The following NRG3 variants were observed in gnomAD, a reference collection of about 807,000 sequenced individuals.
The protein encoded by NRG3 is pro-neuregulin-3, membrane-bound isoform.
NRG3 carries 31 observed loss-of-function variants against 66.9 expected under a neutral mutation model. The ratio of observed to expected loss-of-function variants is 0.46; its 90% confidence interval spans 0.35 to 0.63. The LOEUF is 0.63. Among genes scored for constraint, NRG3 ranks in the 20% least tolerant of loss-of-function variants. NRG3 has a pLI of 0.00. For missense variants in NRG3, 910 were observed against 878.9 expected (o/e 1.04, Z -0.45); for synonymous variants, 393 against 359.4 (o/e 1.09, Z -1.06).
intron 6 of NRG3, among the ~76,000 whole-genome samples, chr10:82,972,808 GTTGA>G (rs1851891539): frequency 6.6e-6 from 1 of 151,836 alleles, no homozygotes; most frequent in African/African-American, 2.4e-5. Flanking sequence ...ATTCAAAAAG[GTTGA>G]TTAACTTGAT....
intron 1 of NRG3, among the ~76,000 whole-genome samples, chr10:82,250,519 C>T (rs73304667): frequency 0.015 from 2,281 of 152,068 alleles, 62 homozygotes; most frequent in African/African-American, 0.052. Context: ...ACCTGGGAGG[C>T]GGAGATTGCA....
chr10:82,489,675 G>C (rs562764943), intron 2 of NRG3, among the ~76,000 whole-genome samples: 1 of 152,122 alleles, frequency 6.6e-6, no homozygotes, highest in Non-Finnish European at 1.5e-5. Flanking sequence ...TTTGAGACAT[G>C]GTAGAGCAAA....
intron 1 of NRG3, among the ~76,000 whole-genome samples, chr10:82,335,752 A>T (rs11193803): frequency 0.38 from 58,212 of 152,142 alleles, 16,297 homozygotes; most frequent in African/African-American, 0.78. Context: ...TCTGTCTTAC[A>T]TCAATACCCT....
intron 1 of NRG3, among the ~76,000 whole-genome samples, chr10:82,022,458 A>T (rs1213387254): frequency 6.6e-6 from 1 of 152,088 alleles, no homozygotes. Context: ...AAAAGTCTGC[A>T]TTATTTCATG....
chr10:82,166,167 C>T (rs1465817514), intron 1 of NRG3, among the ~76,000 whole-genome samples: 4 of 152,052 alleles, frequency 2.6e-5, no homozygotes, highest in Non-Finnish European at 5.9e-5. Flanking sequence ...GGATTACAGG[C>T]ATGCACCACC....
chr10:82,240,172 CT>C (rs2076945967), intron 1 of NRG3, among the ~76,000 whole-genome samples: 1 of 151,856 alleles, frequency 6.6e-6, no homozygotes, highest in Non-Finnish European at 1.5e-5. Flanking sequence ...AAAAATAACT[CT>C]TTTTCCCCCC....
chr10:82,091,194 T>A (rs184380352), intron 1 of NRG3, among the ~76,000 whole-genome samples: 2 of 152,332 alleles, frequency 1.3e-5, no homozygotes, highest in East Asian at 3.9e-4. Flanking sequence ...ATGTGGCTTA[T>A]CCATTGATCG....
At chr10:82,275,550 G>A (rs2078805410) in intron 1 of NRG3, among the ~76,000 whole-genome samples, 1 of 152,016 alleles carries the variant, frequency 6.6e-6, no homozygotes, top group African/African-American at 2.4e-5. Context: ...TCAGCACAGA[G>A]TGATGATGGC....
chr10:82,831,502 T>A (rs546438847), intron 3 of NRG3, among the ~76,000 whole-genome samples: 28 of 152,122 alleles, frequency 1.8e-4, no homozygotes, highest in Non-Finnish European at 4.0e-4. Context: ...ATGTACCAAA[T>A]TAAGAAATTA....
chr10:82,107,204 C>T (rs1263207366), intron 1 of NRG3, among the ~76,000 whole-genome samples: 1 of 152,152 alleles, frequency 6.6e-6, no homozygotes, highest in Non-Finnish European at 1.5e-5. Context: ...CCAAAATACT[C>T]CAATGAACAT....
At chr10:82,941,993 GTT>G (rs1848613676) in intron 4 of NRG3, among the ~76,000 whole-genome samples, 1 of 92,286 alleles carries the variant, frequency 1.1e-5, no homozygotes, top group Non-Finnish European at 2.3e-5. Flanking sequence ...TGACATATAG[GTT>G]TGTGTGTGTG....
intron 1 of NRG3, among the ~76,000 whole-genome samples, chr10:82,035,336 A>G (rs1260809260): frequency 1.3e-5 from 2 of 152,092 alleles, no homozygotes; most frequent in Admixed American, 6.5e-5. Context: ...TAAGGTAGAG[A>G]TACAAAAATT....
intron 2 of NRG3, among the ~76,000 whole-genome samples, chr10:82,368,080 A>G (rs1589872495): frequency 9.5e-6 from 1 of 104,804 alleles, no homozygotes; most frequent in South Asian, 2.5e-4. Flanking sequence ...GTGAAGTGGG[A>G]AAAACAATAT....
intron 2 of NRG3, among the ~76,000 whole-genome samples, chr10:82,721,727 T>C (rs1056340907): frequency 1.3e-5 from 2 of 152,178 alleles, no homozygotes; most frequent in South Asian, 2.1e-4. Flanking sequence ...CCAGTTCTTA[T>C]TTGTTTTAAT....
chr10:82,313,820 G>A (rs1014251690), intron 1 of NRG3, among the ~76,000 whole-genome samples: 1 of 152,190 alleles, frequency 6.6e-6, no homozygotes, highest in Non-Finnish European at 1.5e-5. Context: ...GAAAACAGAA[G>A]AATGGCTAAA....
At chr10:82,329,202 A>T (rs1450061196) in intron 1 of NRG3, among the ~76,000 whole-genome samples, 7 of 152,252 alleles carry the variant, frequency 4.6e-5, no homozygotes, top group African/African-American at 1.7e-4. Context: ...CCAGGGTGCT[A>T]CTTTATTGAG....
intron 1 of NRG3, among the ~76,000 whole-genome samples, chr10:82,110,488 G>A (rs2067321499): frequency 6.6e-6 from 1 of 152,170 alleles, no homozygotes; most frequent in African/African-American, 2.4e-5. Flanking sequence ...TGTCGACAGA[G>A]CAGGGAGAGG....
intron 2 of NRG3, among the ~76,000 whole-genome samples, chr10:82,724,652 G>A (rs1266550614): frequency 6.6e-6 from 1 of 152,208 alleles, no homozygotes; most frequent in African/African-American, 2.4e-5. Flanking sequence ...TCAGAAGGCT[G>A]TGGGACTTTT....
At chr10:82,779,898 G>GGT (rs2060052304) in intron 3 of NRG3, among the ~76,000 whole-genome samples, 1 of 73,934 alleles carries the variant, frequency 1.4e-5, no homozygotes, top group Non-Finnish European at 2.5e-5. Flanking sequence ...GACAGGCCCC[G>GGT]GTGTGATATT....
Sources: gnomAD v4.1 joint callset for allele counts (sites outside exome capture counted in the v4.1 genomes callset) on GRCh38, gnomAD v4.1.1 for gene constraint, MANE v1.5 for transcripts, NCBI Gene and HGNC (gene_info 2026-07-23, HGNC 2026-07-21) for gene names.